The following ZNF385D variants were observed in gnomAD, a reference collection of about 807,000 sequenced individuals.
ZNF385D encodes the protein zinc finger protein 659.
ZNF385D carries 15 observed loss-of-function variants against 35.8 expected under a neutral mutation model. The ratio of observed to expected loss-of-function variants is 0.42; its 90% confidence interval spans 0.28 to 0.64. The LOEUF is 0.64. ZNF385D is among the 30% of genes least tolerant of loss of function. ZNF385D has a pLI of 0.23. For missense variants in ZNF385D, 474 were observed against 494.6 expected (o/e 0.96, Z 0.39); for synonymous variants, 212 against 186.8 (o/e 1.13, Z -1.10).
intron 3 of ZNF385D, among the ~76,000 whole-genome samples, chr3:21,946,439 A>G (rs1443270198): frequency 2.0e-5 from 3 of 147,350 alleles, no homozygotes; most frequent in African/African-American, 7.6e-5. Flanking sequence ...GATTTTAAAG[A>G]TAAAAAGTTT....
chr3:21,747,710 C>A (rs1405038699), intron 1 of ZNF385D, among the ~76,000 whole-genome samples: 4 of 152,208 alleles, frequency 2.6e-5, no homozygotes, highest in African/African-American at 9.6e-5. Context: ...AGCAAATAAC[C>A]TGCCCTTCAT....
At chr3:21,807,972 T>C (rs1320442472) in intron 3 of ZNF385D, among the ~76,000 whole-genome samples, 2 of 152,196 alleles carry the variant, frequency 1.3e-5, no homozygotes, top group Non-Finnish European at 2.9e-5. Flanking sequence ...AGATTTTAAT[T>C]TTGTGTTAGC....
chr3:22,060,832 G>T (rs911544953), intron 3 of ZNF385D, among the ~76,000 whole-genome samples: 5 of 151,948 alleles, frequency 3.3e-5, no homozygotes, highest in African/African-American at 7.2e-5. Flanking sequence ...ATTTAAAAAA[G>T]AAAGTTTTGC....
chr3:22,185,945 G>C lies in ZNF385D; in HGVS notation c.107-16910C>G, dbSNP rs574896441. ...ATTGCATGACAGGACAGTGGCAGAAGGTGGCATGAAAGGGTAGATCTCTAC... is the reference window on the plus strand; with the variant it reads ...ATTGCATGACAGGACAGTGGCAGAACGTGGCATGAAAGGGTAGATCTCTAC... On this transcript the variant is annotated intron_variant, in intron 2 of 5. Coordinates refer to the ZNF385D transcript ENST00000494108. 2.4e-4 allele frequency among the ~76,000 whole-genome samples: 37 copies of C among 152,280 alleles called. 1 individual carries two copies. Among genetic ancestry groups the C allele is most frequent in the South Asian group, 2.1e-3 (10 of 4,822 alleles).
At chr3:21,453,742 A>ATCTT (rs1198532834) in intron 4 of ZNF385D, among the ~76,000 whole-genome samples, 1 of 152,038 alleles carries the variant, frequency 6.6e-6, no homozygotes, top group Non-Finnish European at 1.5e-5. Context: ...AGAAATTGAA[A>ATCTT]TCTTTGTATG....
chr3:21,497,401 C>T lies in ZNF385D; in HGVS notation c.439+13460G>A, dbSNP rs149341453. ...CTGTGCAAATAAAATATAGGTGAGA[C>T]AAACAAATGAAAAAACACTCCATGC... is the stretch of plus-strand genomic sequence containing the variant. On this transcript the variant is annotated intron_variant, in intron 4 of 7. Coordinates refer to ENST00000281523, the MANE Select transcript of ZNF385D (RefSeq NM_024697.3). Among the ~76,000 whole-genome samples, 277 of 152,100 alleles carry T rather than the reference C, an allele frequency of 1.8e-3. 2 individuals are homozygous for T. The highest frequency in any genetic ancestry group is 5.3e-3 in the African/African-American group (221 of 41,488).
intron 3 of ZNF385D, among the ~76,000 whole-genome samples, chr3:21,813,473 C>A (rs1160651971): frequency 1.3e-5 from 2 of 152,120 alleles, no homozygotes; most frequent in African/African-American, 4.8e-5. Context: ...AGGTGAATGG[C>A]TAACTAGAAT....
rs532474481 is a variant in ZNF385D at position 22,137,023 on chromosome 3, G to C, written c.325+31794C>G. 1.9e-3 allele frequency among the ~76,000 whole-genome samples: 289 copies of C among 152,256 alleles called. 1 individual carries two copies. Among genetic ancestry groups the C allele is most frequent in the Non-Finnish European group, 3.3e-3 (223 of 68,018 alleles). The stretch of plus-strand genomic sequence containing the variant: ...GGTGGATATATATCATTTAGCATTT[G>C]TCAAAGCCCATAGAATGTATAACAC... On this transcript the variant is annotated intron_variant, in intron 3 of 5. Transcript: ENST00000494108.
intron 3 of ZNF385D, among the ~76,000 whole-genome samples, chr3:21,975,694 AC>A (rs1703553174): frequency 7.5e-6 from 1 of 133,390 alleles, no homozygotes; most frequent in African/African-American, 2.6e-5. Context: ...CCTATTATGT[AC>A]CCACGAAATA....
chr3:21,949,211 C>G (rs12492135), intron 3 of ZNF385D, among the ~76,000 whole-genome samples: 18,114 of 152,196 alleles, frequency 0.12, 1,438 homozygotes, highest in South Asian at 0.26. Context: ...GAATTTTTGG[C>G]AAAATACTAC....
At chr3:21,983,012 T>C (rs1479101154) in intron 3 of ZNF385D, among the ~76,000 whole-genome samples, 1 of 152,062 alleles carries the variant, frequency 6.6e-6, no homozygotes, top group Non-Finnish European at 1.5e-5. Flanking sequence ...CTGAAGATTT[T>C]TACATTGATG....
chr3:22,067,553 C>T (rs1049622219), intron 3 of ZNF385D, among the ~76,000 whole-genome samples: 3 of 152,182 alleles, frequency 2.0e-5, no homozygotes, highest in African/African-American at 7.2e-5. Flanking sequence ...CCCATTTCCT[C>T]TCTTTCTAAT....
intron 3 of ZNF385D, among the ~76,000 whole-genome samples, chr3:21,861,158 T>A (rs1170101747): frequency 1.3e-5 from 2 of 152,050 alleles, no homozygotes; most frequent in African/African-American, 4.8e-5. Context: ...CACAGGACAG[T>A]CCCCGCTTCA....
intron 4 of ZNF385D, among the ~76,000 whole-genome samples, chr3:21,462,199 A>G (rs1419794894): frequency 2.0e-5 from 3 of 152,040 alleles, no homozygotes; most frequent in Non-Finnish European, 4.4e-5. Context: ...TCTAATTTTA[A>G]TCTCTTTTCT....
intron 4 of ZNF385D, among the ~76,000 whole-genome samples, chr3:21,493,323 A>G (rs1247155196): frequency 6.6e-6 from 1 of 152,170 alleles, no homozygotes; most frequent in Non-Finnish European, 1.5e-5. Flanking sequence ...TCTGTGAAGC[A>G]AATTCTTTAA....
At chr3:22,348,648 CAA>C (rs1219313532) in intron 2 of ZNF385D, among the ~76,000 whole-genome samples, 1 of 124,444 alleles carries the variant, frequency 8.0e-6, no homozygotes, top group Non-Finnish European at 1.6e-5. Context: ...GCCTGGGCGA[CAA>C]GAGCAAAACG....
At position 21,782,160 on chromosome 3, in the gene ZNF385D, G is replaced by T. The variant is rs576531965; in HGVS notation, c.326-117132C>A. ...CAATGCTGCATTGCTTTTCATGGTG[G>T]TCAATCTCTGCTCCTGTGAGAGTTG... On this transcript the variant is annotated intron_variant, in intron 3 of 5. Coordinates refer to the ZNF385D transcript ENST00000494108. 1.6e-4 allele frequency among the ~76,000 whole-genome samples: 25 copies of T among 152,174 alleles called. 1 individual carries two copies. The South Asian group carries it at 5.2e-3, about 32-fold the overall frequency.
intron 1 of ZNF385D, among the ~76,000 whole-genome samples, chr3:21,747,253 A>G (rs1033826806): frequency 3.3e-5 from 5 of 152,192 alleles, no homozygotes; most frequent in Admixed American, 3.3e-4. Context: ...GGTTTAATTA[A>G]TATGCCATTA....
At chr3:22,358,897 T>C (rs774718149) in intron 2 of ZNF385D, among the ~76,000 whole-genome samples, 1 of 151,602 alleles carries the variant, frequency 6.6e-6, no homozygotes, top group Non-Finnish European at 1.5e-5. Context: ...TACACAGTTA[T>C]TGGAACCATC....
Sources: allele counts gnomAD v4.1 joint callset (sites outside exome capture counted in the v4.1 genomes callset), GRCh38; gene constraint gnomAD v4.1.1; transcripts MANE v1.5; gene names NCBI Gene and HGNC (gene_info 2026-07-23, HGNC 2026-07-21).